POLR3G: variants seen among roughly 807,000 people sequenced by gnomAD.
POLR3G encodes RNA polymerase III subunit G.
POLR3G carries 28 observed loss-of-function variants against 30.1 expected under a neutral mutation model. The observed-to-expected ratio is 0.93, with a 90% CI of 0.69 to 1.27. The LOEUF is 1.27. Among genes scored for constraint, POLR3G ranks in the 50% most tolerant of loss-of-function variants. The pLI is 0.00. For synonymous variants in POLR3G, 79 were observed against 82.5 expected (o/e 0.96, Z 0.23); for missense variants, 254 against 264.6 (o/e 0.96, Z 0.28).
intron 4 of POLR3G, among the ~76,000 whole-genome samples, chr5:90,496,041 G>A (rs368237998): frequency 6.6e-5 from 10 of 151,856 alleles, no homozygotes; most frequent in Middle Eastern, 3.4e-3. Context: ...GCACGATATC[G>A]GCTCATTGCA....
chr5:90,503,331 C>A (rs1373826476), intron 6 of POLR3G, among the ~76,000 whole-genome samples: 1 of 152,122 alleles, frequency 6.6e-6, no homozygotes, highest in Non-Finnish European at 1.5e-5. Context: ...ATTATTTGAC[C>A]AGTACTGGAG....
chr5:90,510,270 C>T (rs1752676580), intron 7 of POLR3G, among the ~76,000 whole-genome samples: 1 of 151,916 alleles, frequency 6.6e-6, no homozygotes, highest in African/African-American at 2.4e-5. Flanking sequence ...CCCGGCTACT[C>T]GGGAGGCTGA....
intron 1 of POLR3G, among the ~76,000 whole-genome samples, chr5:90,479,300 C>T (rs111729361): frequency 2.6e-5 from 4 of 152,066 alleles, no homozygotes; most frequent in African/African-American, 9.7e-5. Context: ...GGTGAAACCC[C>T]CATCTTTACT....
At chr5:90,473,975 C>T (rs754565772), upstream of POLR3G, 1 of 1,598,510 alleles carries the variant, frequency 6.3e-7, no homozygotes, top group Admixed American at 1.7e-5. Context: ...GAGCCAGCGC[C>T]TCGGCCTCGG....
At chr5:90,480,110 G>A (rs1751049281) in intron 1 of POLR3G, among the ~76,000 whole-genome samples, 1 of 152,206 alleles carries the variant, frequency 6.6e-6, no homozygotes, top group Non-Finnish European at 1.5e-5. Context: ...TTGGTTGAAT[G>A]AATGACTCAA....
chr5:90,475,740 G>C (rs1750775227), intron 1 of POLR3G, among the ~76,000 whole-genome samples: 1 of 152,120 alleles, frequency 6.6e-6, no homozygotes, highest in South Asian at 2.1e-4. Flanking sequence ...TTTTGAGACA[G>C]AGTCTCTGTT....
Position 90,513,340 on chromosome 5 carries a change from C to T in POLR3G, c.*1201C>T, listed in dbSNP as rs184761073. Reference sequence around the variant, plus strand: ...CTATACTATTAAACTCAACCTTGAACCTGAGCTTGGTTGTTTCTGTGCCTT... The same window carrying T: ...CTATACTATTAAACTCAACCTTGAATCTGAGCTTGGTTGTTTCTGTGCCTT... On this transcript the variant is annotated 3_prime_UTR_variant, in exon 8 of 8. Coordinates refer to ENST00000651687, the MANE Select transcript of POLR3G (RefSeq NM_006467.3). 2.7e-4 allele frequency: 41 copies of T among 152,686 alleles called. No individual in the cohort carries two copies. Among genetic ancestry groups the T allele is most frequent in the African/African-American group, 9.6e-4 (40 of 41,566 alleles). The allele number at this position is 152,686 out of a possible 1,614,324, so 9.5% of individuals were successfully genotyped here. A position where few individuals can be genotyped will look rare whatever the true frequency, so the allele number is the denominator to read the frequency against.
At chr5:90,503,055 A>T (rs1022440472) in intron 6 of POLR3G, among the ~76,000 whole-genome samples, 2 of 152,184 alleles carry the variant, frequency 1.3e-5, no homozygotes, top group African/African-American at 4.8e-5. Flanking sequence ...AGGTTATACC[A>T]ATTTACTACC....
intron 7 of POLR3G, among the ~76,000 whole-genome samples, chr5:90,511,253 A>G (rs946722449): frequency 6.6e-6 from 1 of 152,216 alleles, no homozygotes; most frequent in Non-Finnish European, 1.5e-5. Context: ...CTGTATCATT[A>G]TAACACCCCA....
At chr5:90,486,788 C>T (rs1751460274) in intron 2 of POLR3G, among the ~76,000 whole-genome samples, 1 of 152,158 alleles carries the variant, frequency 6.6e-6, no homozygotes. Flanking sequence ...AATTGTATGT[C>T]ACCTCATTTG....
At chr5:90,483,444 A>T (rs562617200) in intron 1 of POLR3G, among the ~76,000 whole-genome samples, 1 of 152,180 alleles carries the variant, frequency 6.6e-6, no homozygotes, top group Non-Finnish European at 1.5e-5. Context: ...TTACATAAAG[A>T]TGTTGAATAT....
intron 1 of POLR3G, among the ~76,000 whole-genome samples, chr5:90,482,167 C>T (rs1263754380): frequency 1.3e-5 from 2 of 152,056 alleles, no homozygotes; most frequent in Admixed American, 6.5e-5. Flanking sequence ...GATAAATTTA[C>T]GAAATGAATA....
chr5:90,501,187 A>G (rs1271982959), intron 5 of POLR3G, among the ~76,000 whole-genome samples: 1 of 152,206 alleles, frequency 6.6e-6, no homozygotes, highest in Non-Finnish European at 1.5e-5. Flanking sequence ...CCATTGGTAA[A>G]TGAACATATT....
In POLR3G at chr5:90,513,153, CA is replaced by C; in HGVS notation, c.*1017del. On this transcript the variant is annotated 3_prime_UTR_variant, in exon 8 of 8. Transcript: ENST00000651687. ...AAAAATACCTAAAAACCTCAGCCTA[CA>C]AAGACTCTCAGAAATGCCAAAGATT... The C allele has an allele frequency of 6.6e-6, 1 of 152,566 alleles. No individual in the cohort carries two copies. Among genetic ancestry groups the C allele is most frequent in the East Asian group, 1.9e-4 (1 of 5,178 alleles). The allele number at this position is 152,566 out of a possible 1,614,324, so 9.5% of individuals were successfully genotyped here.
intron 3 of POLR3G, among the ~76,000 whole-genome samples, chr5:90,493,676 A>ATT (rs70999488): frequency 3.9e-5 from 2 of 51,466 alleles, no homozygotes; most frequent in Non-Finnish European, 7.8e-5. Flanking sequence ...CCACTATTTA[A>ATT]TTTTTTTTTT....
chr5:90,482,867 G>A (rs962831516), intron 1 of POLR3G, among the ~76,000 whole-genome samples: 4 of 152,112 alleles, frequency 2.6e-5, no homozygotes, highest in Non-Finnish European at 4.4e-5. Context: ...CTGGCTGGGC[G>A]CAGTGGCTCA....
rs1752875710 is a variant in POLR3G, at chr5:90,514,467, A to G, written c.*2328A>G. ...AAATGTTTATTTGTTAGAGAAAACTAATTTGTTAATATAGATCTTAACTAG... is the reference window on the plus strand; with the variant it reads ...AAATGTTTATTTGTTAGAGAAAACTGATTTGTTAATATAGATCTTAACTAG... On this transcript the variant is annotated 3_prime_UTR_variant, in exon 8 of 8. Transcript: ENST00000651687. The G allele has an allele frequency of 6.6e-6, 1 of 152,190 alleles. No individual in the cohort carries two copies. Among genetic ancestry groups the G allele is most frequent in the Admixed American group, 6.5e-5 (1 of 15,276 alleles). The allele number at this position is 152,190 out of a possible 1,614,324, so 9.4% of individuals were successfully genotyped here.
At position 90,485,638 on chromosome 5, in the gene POLR3G, G is replaced by A; in HGVS notation, c.71G>A (p.Gly24Asp). 6.2e-7 allele frequency: 1 copy of A among 1,614,056 alleles called. No homozygotes were observed. Among genetic ancestry groups the A allele is most frequent in the Non-Finnish European group, 8.5e-7 (1 of 1,179,976 alleles). Residue 24 changes from glycine to aspartate, a missense_variant, in exon 2 of 8, where the codon GGT (glycine) becomes GAT (aspartate). Physicochemically the swap from Gly to Asp is moderately conservative, Grantham distance 94. Transcript: ENST00000651687. ...FNIEAVGFSK[G>D]EKLPDVVLKP... The stretch of plus-strand genomic sequence containing the variant: ...ATTGAGGCTGTTGGATTTAGCAAAG[G>A]TGAAAAGTTACCTGATGTAGTGTTG...
chr5:90,479,047 C>T (rs1421341838), intron 1 of POLR3G, among the ~76,000 whole-genome samples: 3 of 152,072 alleles, frequency 2.0e-5, no homozygotes, highest in African/African-American at 7.2e-5. Context: ...CTGAATTGTC[C>T]TTCTGTGGGT....
Sources: allele counts gnomAD v4.1 joint callset (sites outside exome capture counted in the v4.1 genomes callset), GRCh38; gene constraint gnomAD v4.1.1; transcripts MANE v1.5; gene names NCBI Gene and HGNC (gene_info 2026-07-23, HGNC 2026-07-21).